The following AQR variants were observed in gnomAD, a reference collection of about 807,000 sequenced individuals.
AQR encodes aquarius intron-binding spliceosomal factor.
AQR carries 61 observed loss-of-function variants against 180.5 expected under a neutral mutation model. The ratio of observed to expected loss-of-function variants is 0.34; its 90% CI spans 0.28 to 0.42. The LOEUF (loss-of-function observed/expected upper bound fraction) is 0.42, where lower values mean the gene tolerates loss of function less well. Ranked by LOEUF, AQR falls within the 10% of genes least tolerant of loss-of-function variation. AQR has a pLI of 1.00. For synonymous variants in AQR, 551 were observed against 588.8 expected (o/e 0.94, Z 0.93); for missense variants, 1,281 against 1,798.3 (o/e 0.71, Z 5.20).
At chr15:34,923,584 A>G (rs529849724) in intron 13 of AQR, among the ~76,000 whole-genome samples, 2 of 152,302 alleles carry the variant, frequency 1.3e-5, no homozygotes, top group Admixed American at 6.5e-5. Flanking sequence ...TTAGGTCTAT[A>G]ATCCGATTTG....
intron 3 of AQR, among the ~76,000 whole-genome samples, chr15:34,958,587 C>T (rs997552033): frequency 6.6e-6 from 1 of 152,172 alleles, no homozygotes; most frequent in Non-Finnish European, 1.5e-5. Context: ...ATGTATATGG[C>T]TTAAAAATCA....
rs1313016218 is a variant in AQR at position 34,873,935 on chromosome 15, G to C, written c.3490C>G (p.Pro1164Ala). ...CCAGCATTTGCTGTACTAAACTCTG[G>C]CAAGAGCTGCACATGGGGTAAGTTT... ...LGNLPHVQLL[P>A]EFSTANAGLL... The change falls in exon 30 of 35, where the codon CCA becomes GCA. Residue 1164 changes from proline to alanine, a missense_variant. Pro to Ala is a conservative substitution (Grantham distance 27). Transcript: ENST00000156471. 1 of 1,612,246 alleles carries C rather than the reference G, an allele frequency of 6.2e-7. No homozygotes were observed. The highest frequency in any genetic ancestry group is 1.7e-5 in the Admixed American group (1 of 59,872).
intron 3 of AQR, among the ~76,000 whole-genome samples, chr15:34,956,885 G>C (rs989634192): frequency 1.3e-5 from 2 of 152,154 alleles, no homozygotes; most frequent in Admixed American, 6.5e-5. Flanking sequence ...AGAGCAGAAT[G>C]CAAGGTGCTT....
chr15:34,893,604 C>CGT, intron 23 of AQR, 59 bp downstream of exon 23: 10 of 1,390,730 alleles, frequency 7.2e-6, no homozygotes, highest in East Asian at 2.4e-5. Context: ...CATGCGCATG[C>CGT]GTGCACACAC....
At chr15:34,896,586 G>A (rs527461728) in intron 22 of AQR, among the ~76,000 whole-genome samples, 4 of 149,780 alleles carry the variant, frequency 2.7e-5, no homozygotes, top group Admixed American at 1.3e-4. Flanking sequence ...GGTGGCTCAC[G>A]CCTGTAATCC....
chr15:34,904,268 C>T, intron 19 of AQR, 68 bp downstream of exon 19: 1 of 1,159,390 alleles, frequency 8.6e-7, no homozygotes. Flanking sequence ...CCAAATATCT[C>T]TGTATTTATG....
intron 1 of AQR, among the ~76,000 whole-genome samples, chr15:34,969,203 T>G (rs2050330232): frequency 6.6e-6 from 1 of 152,134 alleles, no homozygotes; most frequent in African/African-American, 2.4e-5. Context: ...TACTTGCCAG[T>G]CTCAGATAGA....
Position 34,867,868 on chromosome 15 carries a change from G to A in AQR, c.3769-259C>T. 1.3e-5 allele frequency: 4 copies of A among 307,086 alleles called. No homozygotes were observed. In the South Asian group the frequency reaches 1.8e-4, roughly 14 times the overall value. The allele number at this position is 307,086 out of a possible 1,614,324, so 19.0% of individuals were successfully genotyped here. A position where few individuals can be genotyped will look rare whatever the true frequency, so the allele number is the denominator to read the frequency against. The stretch of plus-strand genomic sequence containing the variant: ...GCTGATAACTAAATAACTATTTTTG[G>A]AATTAACAGTCTTCCCCCATTAGAT... On this transcript the variant is annotated intron_variant, in intron 31 of 34. Transcript: ENST00000156471.
chr15:34,939,303 G>C (rs909537837), intron 8 of AQR, among the ~76,000 whole-genome samples: 1 of 152,138 alleles, frequency 6.6e-6, no homozygotes, highest in African/African-American at 2.4e-5. Context: ...TCCTGACCTT[G>C]TGGTCCACCC....
At chr15:34,954,925 C>A (rs1894285209) in intron 3 of AQR, among the ~76,000 whole-genome samples, 1 of 152,034 alleles carries the variant, frequency 6.6e-6, no homozygotes, top group Non-Finnish European at 1.5e-5. Flanking sequence ...GGGTTCGAGA[C>A]CAGCATGGAC....
chr15:34,969,490 G>A, intron 1 of AQR, 49 bp downstream of exon 1: 1 of 1,604,492 alleles, frequency 6.2e-7, no homozygotes. Flanking sequence ...AGGCCTCGGG[G>A]CCACGACGTC....
At position 34,862,984 on chromosome 15, in the gene AQR, G is replaced by C. The variant is rs375883396; in HGVS notation, c.3912C>G (p.Phe1304Leu). Residue 1304 changes from phenylalanine (F) to leucine (L), a missense_variant, in exon 33 of 35, where the codon TTC becomes TTG. Transcript: ENST00000156471. ...AGTTTTGGAAGAGGGATACTCTGGC[G>C]AAGATATAAAGTCCAAGTCTGGCTC... The part of the protein sequence containing the change: ...MSRARLGLYI[F>L]ARVSLFQNCF... 2 of 1,613,794 alleles carry C rather than the reference G, an allele frequency of 1.2e-6. No homozygotes were observed. Among genetic ancestry groups the C allele is most frequent in the Admixed American group, 3.3e-5 (2 of 59,960 alleles).
intron 18 of AQR, among the ~76,000 whole-genome samples, chr15:34,905,688 G>A (rs1465941021): frequency 1.3e-5 from 2 of 151,746 alleles, no homozygotes; most frequent in African/African-American, 4.8e-5. Flanking sequence ...TCAAATTTAA[G>A]AAGAAAAAAT....
intron 34 of AQR, among the ~76,000 whole-genome samples, chr15:34,859,590 C>A (rs1892640174): frequency 6.6e-6 from 1 of 151,968 alleles, no homozygotes; most frequent in African/African-American, 2.4e-5. Flanking sequence ...GCAATAGTAG[C>A]CAGAAAAAAT....
intron 23 of AQR, among the ~76,000 whole-genome samples, chr15:34,892,770 C>G (rs544179961): frequency 2.0e-5 from 3 of 152,302 alleles, no homozygotes; most frequent in African/African-American, 4.8e-5. Context: ...TGGGAAAAAT[C>G]ATCTAACACA....
rs999703710 is a variant in AQR, at chr15:34,923,391, C to T, written c.1119-2957G>A. Reference sequence around the variant, plus strand: ...GCCAATATTTTCTCCTAGGCTGTAGCGTGTTTTTTAATTCTCTTATCAATG... The same window carrying T: ...GCCAATATTTTCTCCTAGGCTGTAGTGTGTTTTTTAATTCTCTTATCAATG... On this transcript the variant is annotated intron_variant, in intron 13 of 34. Transcript: ENST00000156471. 2.1e-4 allele frequency among the ~76,000 whole-genome samples: 32 copies of T among 152,084 alleles called. 1 individual carries two copies.
At chr15:34,879,173 T>C (rs934507975) in intron 27 of AQR, among the ~76,000 whole-genome samples, 8 of 152,198 alleles carry the variant, frequency 5.3e-5, no homozygotes, top group African/African-American at 1.9e-4. Context: ...AGTGAAATTG[T>C]ATCCCAAAGA....
Position 34,852,178 on chromosome 15 carries a change from T to TG in AQR, c.*4613_*4614insC, listed in dbSNP as rs528396108. On this transcript the variant is annotated 3_prime_UTR_variant, in exon 35 of 35. Coordinates refer to ENST00000156471, the MANE Select transcript of AQR (RefSeq NM_014691.3). ...GGAAATAGCTACCTAAGTTATGTTTTTTTTTTTTTTTTGAAGGAGTTTTTG... is the reference window on the plus strand; with the variant it reads ...GGAAATAGCTACCTAAGTTATGTTTTGTTTTTTTTTTTTGAAGGAGTTTTTG... 27 of 152,110 alleles carry TG rather than the reference T, an allele frequency of 1.8e-4. No individual in the cohort carries two copies. The highest frequency in any genetic ancestry group is 6.8e-3 in the Middle Eastern group (2 of 294). The allele number at this position is 152,110 out of a possible 1,614,324, so 9.4% of individuals were successfully genotyped here.
chr15:34,906,270 C>A (rs146045719), intron 18 of AQR, among the ~76,000 whole-genome samples: 39 of 151,802 alleles, frequency 2.6e-4, no homozygotes, highest in African/African-American at 8.9e-4. Flanking sequence ...ACTAGCAGGG[C>A]TGAGGCTGGA....
Sources: gnomAD v4.1 joint callset for allele counts (sites outside exome capture counted in the v4.1 genomes callset) on GRCh38, gnomAD v4.1.1 for gene constraint, MANE v1.5 for transcripts, NCBI Gene and HGNC (gene_info 2026-07-23, HGNC 2026-07-21) for gene names.